FSTL1: variants seen among roughly 807,000 people sequenced by gnomAD.
FSTL1 encodes follistatin like 1, also known as follistatin-related protein 1.
A neutral mutation model predicts 45.9 loss-of-function variants in FSTL1; 24 were observed. That is an observed-to-expected ratio of 0.52 (90% CI 0.38 to 0.74). FSTL1 has a LOEUF of 0.74. Ranked by LOEUF, FSTL1 falls within the 30% of genes least tolerant of loss-of-function variation. The pLI is 0.00. For missense variants in FSTL1, 340 were observed against 381.8 expected (o/e 0.89, Z 0.91); for synonymous variants, 120 against 137.6 (o/e 0.87, Z 0.89).
chr3:120,427,307 T>G (rs908849820), intron 2 of FSTL1, among the ~76,000 whole-genome samples: 1 of 152,202 alleles, frequency 6.6e-6, no homozygotes, highest in African/African-American at 2.4e-5. Context: ...GATCATTTAT[T>G]TTTTTAAAAA....
chr3:120,433,390 C>A (rs577905565), intron 2 of FSTL1, among the ~76,000 whole-genome samples: 21 of 152,308 alleles, frequency 1.4e-4, no homozygotes, highest in African/African-American at 5.1e-4. Context: ...TTGCAAAATA[C>A]GGCACAGAGA....
chr3:120,439,695 G>T (rs1458772712), intron 2 of FSTL1, among the ~76,000 whole-genome samples: 4 of 152,182 alleles, frequency 2.6e-5, no homozygotes, highest in African/African-American at 7.2e-5. Context: ...ACACACTTGT[G>T]CAGTGAACAG....
intron 2 of FSTL1, among the ~76,000 whole-genome samples, chr3:120,417,121 A>T (rs1304646103): frequency 6.6e-6 from 1 of 152,172 alleles, no homozygotes; most frequent in Non-Finnish European, 1.5e-5. Context: ...CAAAGACTGC[A>T]GGAGGCACGA....
In FSTL1 at chr3:120,396,931, A is replaced by T. The variant is rs747001169; in HGVS notation, c.*21T>A. The T allele has an allele frequency of 1.9e-6, 3 of 1,586,120 alleles. No homozygotes were observed. Among genetic ancestry groups the T allele is most frequent in the Non-Finnish European group, 2.6e-6 (3 of 1,154,354 alleles). ...AAGTGGAGAAGATGCTGGGATCCAG[A>T]CACTGGTCTGTGCCTCCTCATTAGA... On this transcript the variant is annotated 3_prime_UTR_variant, in exon 11 of 11. Coordinates refer to ENST00000295633, the MANE Select transcript of FSTL1 (RefSeq NM_007085.5).
intron 1 of FSTL1, 64 bp downstream of exon 1, chr3:120,450,833 G>T (rs1937882308): frequency 1.0e-6 from 1 of 960,454 alleles, no homozygotes; most frequent in Non-Finnish European, 1.5e-6. Context: ...GGCTCGCTCC[G>T]GCCGCCCAAG....
chr3:120,428,352 G>A (rs1383874373), intron 2 of FSTL1, among the ~76,000 whole-genome samples: 1 of 152,174 alleles, frequency 6.6e-6, no homozygotes, highest in Non-Finnish European at 1.5e-5. Context: ...GGTGGAGGCT[G>A]GGGGGATAGT....
At chr3:120,403,983 CAAAAAA>C (rs1560011737) in intron 7 of FSTL1, among the ~76,000 whole-genome samples, 48 of 74,048 alleles carry the variant, frequency 6.5e-4, no homozygotes, top group African/African-American at 2.4e-3. Flanking sequence ...CAAAAAAAAA[CAAAAAA>C]CAAAACAAAC....
chr3:120,416,687 C>T (rs1259291), intron 2 of FSTL1, among the ~76,000 whole-genome samples: 61,484 of 152,064 alleles, frequency 0.4, 14,505 homozygotes, highest in East Asian at 0.78. Context: ...CCATTGGAAA[C>T]GTGGATTCGC....
rs1560007950 is a variant in FSTL1, at chr3:120,393,703, C to G, written c.*3249G>C. 1 of 152,080 alleles carries G rather than the reference C, an allele frequency of 6.6e-6. No individual in the cohort carries two copies. Among genetic ancestry groups the G allele is most frequent in the African/African-American group, 2.4e-5 (1 of 41,414 alleles). 9.4% of individuals were successfully genotyped at this position (152,080 alleles called of 1,614,324 possible). A position where few individuals can be genotyped will look rare whatever the true frequency, so the allele number is the denominator to read the frequency against. On this transcript the variant is annotated 3_prime_UTR_variant, in exon 11 of 11. Coordinates refer to ENST00000295633, the MANE Select transcript of FSTL1 (RefSeq NM_007085.5). ...CTGCTATGGTTTGAATGTTTATGTC[C>G]CCCAAAATTCATATGTTAAAATTGA...
At chr3:120,429,665 C>G (rs1239427768) in intron 2 of FSTL1, among the ~76,000 whole-genome samples, 1 of 152,130 alleles carries the variant, frequency 6.6e-6, no homozygotes, top group Admixed American at 6.5e-5. Context: ...AAAGACAAAC[C>G]CTAATTTACT....
At chr3:120,437,834 C>T (rs1937586846) in intron 2 of FSTL1, among the ~76,000 whole-genome samples, 2 of 152,154 alleles carry the variant, frequency 1.3e-5, no homozygotes, top group East Asian at 3.9e-4. Flanking sequence ...AGCATTTCAG[C>T]AGGACTAAAA....
At chr3:120,421,893 A>C (rs1937285552) in intron 2 of FSTL1, among the ~76,000 whole-genome samples, 2 of 152,216 alleles carry the variant, frequency 1.3e-5, no homozygotes, top group African/African-American at 4.8e-5. Flanking sequence ...AAAATATACA[A>C]TTATAAATGC....
chr3:120,424,756 C>T (rs1576220281), intron 2 of FSTL1, among the ~76,000 whole-genome samples: 1 of 151,970 alleles, frequency 6.6e-6, no homozygotes, highest in Admixed American at 6.6e-5. Flanking sequence ...GGGGGGCTGC[C>T]AGATCTTTGG....
At chr3:120,397,511 TAAG>T (rs1936726138) in intron 10 of FSTL1, among the ~76,000 whole-genome samples, 1 of 152,108 alleles carries the variant, frequency 6.6e-6, no homozygotes. Context: ...AAATGGCCAA[TAAG>T]GACATAAGAA....
At chr3:120,409,767 C>T (rs1229038117) in intron 5 of FSTL1, 105 bp from the exon 6 acceptor site, 1 of 1,009,766 alleles carries the variant, frequency 9.9e-7, no homozygotes, top group Non-Finnish European at 1.5e-6. Context: ...CTGCATATGT[C>T]ATCCCAGCAA....
intron 2 of FSTL1, among the ~76,000 whole-genome samples, chr3:120,416,314 T>C (rs1937186470): frequency 6.6e-6 from 1 of 152,150 alleles, no homozygotes; most frequent in South Asian, 2.1e-4. Context: ...CTTCTAAAAA[T>C]GCTTGTTGAG....
At chr3:120,433,622 A>G (rs1359875277) in intron 2 of FSTL1, among the ~76,000 whole-genome samples, 2 of 152,230 alleles carry the variant, frequency 1.3e-5, no homozygotes, top group Non-Finnish European at 2.9e-5. Flanking sequence ...GAGGAAGGTG[A>G]ATAAACAAAC....
chr3:120,437,939 T>C (rs956884508), intron 2 of FSTL1, among the ~76,000 whole-genome samples: 3 of 152,110 alleles, frequency 2.0e-5, no homozygotes, highest in African/African-American at 7.2e-5. Flanking sequence ...GCCCATGGGC[T>C]GTAGTAAGAG....
intron 2 of FSTL1, among the ~76,000 whole-genome samples, chr3:120,448,384 T>A (rs1937806102): frequency 6.6e-6 from 1 of 152,202 alleles, no homozygotes; most frequent in African/African-American, 2.4e-5. Flanking sequence ...AAAAGGCTTT[T>A]AAAAAATCCA....
Sources: allele counts gnomAD v4.1 joint callset (sites outside exome capture counted in the v4.1 genomes callset), GRCh38; gene constraint gnomAD v4.1.1; transcripts MANE v1.5; gene names NCBI Gene and HGNC (gene_info 2026-07-23, HGNC 2026-07-21).